The following HTT variants were observed in gnomAD, a reference collection of about 807,000 sequenced individuals.
The protein encoded by HTT is huntingtin, also known as huntington disease protein.
Under a neutral mutation model 362.3 loss-of-function variants are expected in HTT, and 104 were observed. The ratio of observed to expected loss-of-function variants is 0.29; its 90% CI spans 0.24 to 0.34. HTT has a LOEUF of 0.34. Among genes scored for constraint, HTT ranks in the 10% least tolerant of loss-of-function variants. HTT has a pLI of 1.00. For synonymous variants in HTT, 1,577 were observed against 1,548.7 expected, an observed-to-expected ratio of 1.02 and a Z score of -0.43; for missense variants, 3,301 against 3,928.6, an observed-to-expected ratio of 0.84 and a Z score of 4.27.
intron 37 of HTT, among the ~76,000 whole-genome samples, chr4:3,184,353 G>A (rs948591746): frequency 1.3e-4 from 19 of 151,956 alleles, no homozygotes; most frequent in African/African-American, 3.9e-4. Context: ...GGCCTGGTGG[G>A]GTGAGGCCAG....
intron 29 of HTT, among the ~76,000 whole-genome samples, chr4:3,168,519 A>T (rs1286538992): frequency 1.3e-5 from 2 of 152,316 alleles, no homozygotes; most frequent in Admixed American, 6.5e-5. Flanking sequence ...CATTCTTGAC[A>T]GGTAATGTTT....
chr4:3,202,032 C>T (rs1719600788), intron 41 of HTT, among the ~76,000 whole-genome samples: 1 of 152,166 alleles, frequency 6.6e-6, no homozygotes. Context: ...TCCAGGAGGT[C>T]CTTATGTGGG....
chr4:3,130,553 T>C lies in HTT; in HGVS notation c.1986+130T>C. ...TTAAATTTCCCCTTTAAATACCAGC[T>C]CTTCCCAGGCCTGTTGTTTTCTGCC... On this transcript the variant is annotated intron_variant, in intron 14 of 66. Transcript: ENST00000355072. The C allele has an allele frequency of 5.1e-6, 3 of 591,744 alleles. No homozygotes were observed. In the South Asian group the frequency reaches 7.8e-5, roughly 15 times the overall value. 36.7% of individuals were successfully genotyped at this position (591,744 alleles called of 1,614,324 possible).
At chr4:3,134,248 A>T (rs202093988) in intron 18 of HTT, among the ~76,000 whole-genome samples, 153 bp from the exon 19 acceptor site, 1 of 152,238 alleles carries the variant, frequency 6.6e-6, no homozygotes, top group African/African-American at 2.4e-5. Context: ...TTCTTAATCA[A>T]TGTTCTTGAG....
chr4:3,132,713 C>A lies in HTT; in HGVS notation c.2388C>A (p.Thr796=), dbSNP rs776295791. The stretch of plus-strand genomic sequence containing the variant: ...GAGATTGGATGGGCACCATTAGAAC[C>A]CTCACAGGTAACGGCCAGTTTTTCA... ...HVGDWMGTIR[T]LTGNTFSLAD... The change falls in exon 17 of 67, where the codon ACC becomes ACA. Residue 796 remains threonine, a synonymous_variant. Coordinates refer to ENST00000355072, the MANE Select transcript of HTT (RefSeq NM_001388492.1). 1 of 1,614,174 alleles carries A rather than the reference C, an allele frequency of 6.2e-7. No homozygotes were observed. The highest frequency in any genetic ancestry group is 1.1e-5 in the South Asian group (1 of 91,088).
chr4:3,099,325 G>T lies in HTT; in HGVS notation c.399G>T (p.Leu133=). ...KLLGIAMELF[L]LCSDDAESDV... ...TGGGCATCGCTATGGAACTTTTTCT[G>T]CTGTGCAGTGATGACGCAGAGTCAG... Residue 133 remains leucine, a synonymous_variant, in exon 3 of 67, where the codon CTG becomes CTT. Coordinates refer to ENST00000355072, the MANE Select transcript of HTT (RefSeq NM_001388492.1). The T allele has an allele frequency of 6.2e-7, 1 of 1,614,010 alleles. No homozygotes were observed. Among genetic ancestry groups the T allele is most frequent in the South Asian group, 1.1e-5 (1 of 91,078 alleles).
intron 31 of HTT, 74 bp downstream of exon 31, chr4:3,173,205 TA>T (rs1375045457): frequency 5.7e-5 from 70 of 1,237,538 alleles, no homozygotes; most frequent in Non-Finnish European, 7.7e-5. Context: ...TGTAAAAGAA[TA>T]AAAACGAAAA....
chr4:3,133,727 T>TA (rs1715934154), intron 18 of HTT, among the ~76,000 whole-genome samples: 1 of 152,162 alleles, frequency 6.6e-6, no homozygotes, highest in Non-Finnish European at 1.5e-5. Flanking sequence ...AATTAACTGG[T>TA]AAAAATCAAA....
Position 3,235,472 on chromosome 4 carries a change from C to G in HTT, c.8571+74C>G, listed in dbSNP as rs1226471118. The G allele has an allele frequency of 2.7e-6, 4 of 1,499,302 alleles. No homozygotes were observed. In the African/African-American group the frequency reaches 4.1e-5, roughly 15 times the overall value. 92.9% of individuals were successfully genotyped at this position (1,499,302 alleles called of 1,614,324 possible). A position where few individuals can be genotyped will look rare whatever the true frequency, so the allele number is the denominator to read the frequency against. On this transcript the variant is annotated intron_variant, in intron 62 of 66. Coordinates refer to ENST00000355072, the MANE Select transcript of HTT (RefSeq NM_001388492.1). ...CTTCTCTTTTCCTTGCAGGATCATA[C>G]CAGTGGGCCAGTTTTGACTTGGTCG... is the stretch of plus-strand genomic sequence containing the variant.
chr4:3,238,659 G>T, intron 65 of HTT, 50 bp downstream of exon 65: 1 of 1,540,530 alleles, frequency 6.5e-7, no homozygotes, highest in Non-Finnish European at 8.8e-7. Flanking sequence ...TGGAGGTGGA[G>T]TTGCCTCCGA....
chr4:3,074,875 TCCA>T lies in HTT; in HGVS notation c.51_53del (p.Phe17_Gln18delinsLeu), dbSNP rs1712383189. On this transcript the variant is annotated inframe_deletion, in exon 1 of 67. Coordinates refer to ENST00000355072, the MANE Select transcript of HTT (RefSeq NM_001388492.1). ...AAGGCCTTCGAGTCCCTCAAGTCCT[TCCA>T]GCAGCAGCAGCAGCAGCAGCAGCAG... 5.4e-6 allele frequency: 7 copies of T among 1,287,734 alleles called. No homozygotes were observed. The Admixed American group carries it at 7.8e-5, about 14-fold the overall frequency. 79.8% of individuals were successfully genotyped at this position (1,287,734 alleles called of 1,614,324 possible). A position where few individuals can be genotyped will look rare whatever the true frequency, so the allele number is the denominator to read the frequency against.
intron 28 of HTT, among the ~76,000 whole-genome samples, chr4:3,158,887 G>A (rs1363041008): frequency 6.6e-6 from 1 of 152,056 alleles, no homozygotes; most frequent in Admixed American, 6.6e-5. Context: ...ACCTTTCCAT[G>A]CTCCTAGTGC....
chr4:3,143,764 C>T lies in HTT; in HGVS notation c.3066+878C>T, dbSNP rs1018290821. 3.3e-5 allele frequency among the ~76,000 whole-genome samples: 5 copies of T among 151,630 alleles called. No homozygotes were observed. In the South Asian group the frequency reaches 6.3e-4, roughly 19 times the overall value. ...GATTACAGGCATGCACCACCATGCC[C>T]GGCTAATTTTGTATTTTTAGTAGAG... On this transcript the variant is annotated intron_variant, in intron 23 of 66. Transcript: ENST00000355072.
intron 29 of HTT, among the ~76,000 whole-genome samples, chr4:3,162,614 G>A (rs1011011745): frequency 2.0e-5 from 3 of 152,154 alleles, no homozygotes; most frequent in Middle Eastern, 3.2e-3. Flanking sequence ...GCAGTGGTTT[G>A]TAGTTCTCCT....
At chr4:3,184,480 A>G (rs1339476424) in intron 37 of HTT, among the ~76,000 whole-genome samples, 1 of 152,112 alleles carries the variant, frequency 6.6e-6, no homozygotes, top group Non-Finnish European at 1.5e-5. Context: ...AGGGCCACCC[A>G]TGTGAGACCC....
At chr4:3,197,150 C>T (rs1719291161) in intron 40 of HTT, among the ~76,000 whole-genome samples, 1 of 152,116 alleles carries the variant, frequency 6.6e-6, no homozygotes, top group African/African-American at 2.4e-5. Flanking sequence ...TGATTGTGTT[C>T]CTCGAGTTGC....
intron 3 of HTT, among the ~76,000 whole-genome samples, chr4:3,101,839 G>A (rs1578499156): frequency 6.6e-6 from 1 of 152,310 alleles, no homozygotes; most frequent in African/African-American, 2.4e-5. Flanking sequence ...AGAGGCTGAA[G>A]TGATTTTTGT....
intron 2 of HTT, among the ~76,000 whole-genome samples, chr4:3,093,263 G>T (rs1332385722): frequency 6.6e-6 from 1 of 152,208 alleles, no homozygotes; most frequent in East Asian, 1.9e-4. Context: ...ACCAGTTGGA[G>T]TGGAAAACCT....
At chr4:3,229,260 ACCACACACATG>A (rs1721092030) in intron 59 of HTT, among the ~76,000 whole-genome samples, 3 of 127,674 alleles carry the variant, frequency 2.3e-5, no homozygotes, top group Middle Eastern at 4.5e-3. Context: ...CACCACATGC[ACCACACACATG>A]CCACATGCAC....
Sources: gnomAD v4.1 joint callset for allele counts (sites outside exome capture counted in the v4.1 genomes callset) on GRCh38, gnomAD v4.1.1 for gene constraint, MANE v1.5 for transcripts, NCBI Gene and HGNC (gene_info 2026-07-23, HGNC 2026-07-21) for gene names.